The following BBS9 variants were observed in gnomAD, a reference collection of about 807,000 sequenced individuals.
The protein encoded by BBS9 is Bardet-Biedl syndrome 9, also known as protein PTHB1.
BBS9 carries 89 observed loss-of-function variants against 117.7 expected under a neutral mutation model. The observed-to-expected ratio is 0.76, with a 90% CI of 0.64 to 0.90. The LOEUF is 0.90. BBS9 is among the 40% of genes least tolerant of loss of function. BBS9 has a pLI of 0.00. For synonymous variants in BBS9, 379 were observed against 370.9 expected, an observed-to-expected ratio of 1.02 and a Z score of -0.25; for missense variants, 982 against 1,042.2, an observed-to-expected ratio of 0.94 and a Z score of 0.80.
intron 21 of BBS9, among the ~76,000 whole-genome samples, chr7:33,544,769 C>T (rs1853012127): frequency 6.6e-6 from 1 of 152,068 alleles, no homozygotes; most frequent in Non-Finnish European, 1.5e-5. Context: ...GATTATATGC[C>T]CTTTGTTTTC....
intron 19 of BBS9, among the ~76,000 whole-genome samples, chr7:33,451,421 A>G (rs947691657): frequency 6.6e-6 from 1 of 152,094 alleles, no homozygotes; most frequent in Non-Finnish European, 1.5e-5. Context: ...GTGGTTATCT[A>G]GTTTTCTCAA....
chr7:33,200,560 TG>T (rs973015561), intron 5 of BBS9, among the ~76,000 whole-genome samples: 163 of 152,294 alleles, frequency 1.1e-3, no homozygotes, highest in Non-Finnish European at 2.5e-4. Flanking sequence ...ATGATCTTAG[TG>T]GATTTTTAAA....
chr7:33,244,959 A>T (rs1795104922), intron 5 of BBS9, among the ~76,000 whole-genome samples: 1 of 152,194 alleles, frequency 6.6e-6, no homozygotes, highest in African/African-American at 2.4e-5. Context: ...TATCCTAATT[A>T]GTGCCCCTTT....
chr7:33,302,790 G>C (rs575248805), intron 9 of BBS9, among the ~76,000 whole-genome samples: 1 of 152,132 alleles, frequency 6.6e-6, no homozygotes, highest in South Asian at 2.1e-4. Context: ...TAAATTGTAC[G>C]ATTATTTTTT....
chr7:33,193,564 T>A (rs1784497640), intron 5 of BBS9, among the ~76,000 whole-genome samples: 1 of 152,124 alleles, frequency 6.6e-6, no homozygotes, highest in African/African-American at 2.4e-5. Context: ...TTTCTTGCCT[T>A]CTTTCCTACC....
chr7:33,356,152 G>C (rs10251231), intron 15 of BBS9, among the ~76,000 whole-genome samples: 9,890 of 151,824 alleles, frequency 0.065, 656 homozygotes, highest in Admixed American at 0.22. Flanking sequence ...TTTCCAGACT[G>C]TATCTATTAA....
intron 18 of BBS9, among the ~76,000 whole-genome samples, chr7:33,385,182 C>A (rs2128751090): frequency 6.6e-6 from 1 of 151,992 alleles, no homozygotes; most frequent in South Asian, 2.1e-4. Context: ...ATATAATTTT[C>A]CCTTTATACT....
chr7:33,199,956 TA>T (rs1194083454), intron 5 of BBS9, among the ~76,000 whole-genome samples: 1 of 152,044 alleles, frequency 6.6e-6, no homozygotes, highest in African/African-American at 2.4e-5. Flanking sequence ...GTACAAAGCA[TA>T]TGAAGGCCTC....
intron 5 of BBS9, among the ~76,000 whole-genome samples, chr7:33,205,112 T>G (rs1216676668): frequency 6.6e-6 from 1 of 152,196 alleles, no homozygotes; most frequent in Non-Finnish European, 1.5e-5. Context: ...AGTTTCCTCT[T>G]AGAAATAAGG....
intron 21 of BBS9, among the ~76,000 whole-genome samples, chr7:33,577,927 A>G: frequency 6.6e-6 from 1 of 152,198 alleles, no homozygotes; most frequent in East Asian, 1.9e-4. Flanking sequence ...GAGGAGGAAT[A>G]GCATTAGGAG....
chr7:33,302,381 T>A (rs1213603344), intron 9 of BBS9, among the ~76,000 whole-genome samples: 2 of 152,138 alleles, frequency 1.3e-5, no homozygotes, highest in Non-Finnish European at 2.9e-5. Flanking sequence ...GTTTCCCCAG[T>A]GTTTTCTTGT....
chr7:33,481,001 C>A (rs943260141), intron 19 of BBS9, among the ~76,000 whole-genome samples: 7 of 152,122 alleles, frequency 4.6e-5, no homozygotes, highest in Non-Finnish European at 8.8e-5. Context: ...TGAGGCCTCC[C>A]CAGCCATGTG....
intron 16 of BBS9, among the ~76,000 whole-genome samples, chr7:33,360,719 C>T (rs1460797957): frequency 6.8e-6 from 1 of 146,150 alleles, no homozygotes; most frequent in Non-Finnish European, 1.5e-5. Flanking sequence ...GAGATAGGGT[C>T]CCACTGTGTT....
chr7:33,563,979 T>C (rs761061440), intron 21 of BBS9, among the ~76,000 whole-genome samples: 15 of 152,220 alleles, frequency 9.9e-5, no homozygotes, highest in East Asian at 1.9e-4. Context: ...CTGGAACTTA[T>C]GCTTTATTCA....
rs542938666 is a variant in BBS9, at chr7:33,209,407, G to A, written c.442+31816G>A. 9.9e-5 allele frequency among the ~76,000 whole-genome samples: 15 copies of A among 152,272 alleles called. No individual in the cohort carries two copies. In the South Asian group the frequency reaches 3.1e-3, roughly 32 times the overall value. ...TGTGAACAGTGCTGCAAGAAACATA[G>A]GAGTGCAGATATCTCTTTGATATAC... On this transcript the variant is annotated intron_variant, in intron 5 of 22. Coordinates refer to ENST00000242067, the MANE Select transcript of BBS9 (RefSeq NM_198428.3).
intron 19 of BBS9, among the ~76,000 whole-genome samples, chr7:33,464,597 T>G (rs1839905789): frequency 6.6e-6 from 1 of 152,040 alleles, no homozygotes; most frequent in African/African-American, 2.4e-5. Context: ...TTTTTCCTAC[T>G]GGAGTATAGG....
intron 21 of BBS9, among the ~76,000 whole-genome samples, chr7:33,598,848 G>A (rs900530352): frequency 6.6e-5 from 10 of 152,198 alleles, no homozygotes; most frequent in African/African-American, 2.4e-4. Flanking sequence ...AATACTGTAT[G>A]CAGAGAAGCT....
intron 19 of BBS9, among the ~76,000 whole-genome samples, chr7:33,420,376 G>A (rs905035149): frequency 1.3e-5 from 2 of 152,120 alleles, no homozygotes; most frequent in Admixed American, 1.3e-4. Flanking sequence ...ACAACACAGT[G>A]TTGTGTATTG....
intron 1 of BBS9, among the ~76,000 whole-genome samples, chr7:33,130,554 G>T (rs189478477): frequency 3.3e-5 from 5 of 152,198 alleles, no homozygotes; most frequent in African/African-American, 1.2e-4. Context: ...CTTTAAAAAT[G>T]AAACCGTATC....
Sources: allele counts gnomAD v4.1 joint callset (sites outside exome capture counted in the v4.1 genomes callset), GRCh38; gene constraint gnomAD v4.1.1; transcripts MANE v1.5; gene names NCBI Gene and HGNC (gene_info 2026-07-23, HGNC 2026-07-21).